HECW2: variants seen among roughly 807,000 people sequenced by gnomAD.
HECW2 encodes E3 ubiquitin-protein ligase HECW2.
HECW2 carries 61 observed loss-of-function variants against 175.2 expected under a neutral mutation model. That is an observed-to-expected ratio of 0.35 (90% CI 0.28 to 0.43). The LOEUF is 0.43. HECW2 is among the 20% of genes least tolerant of loss of function. HECW2 has a pLI of 1.00. For missense variants in HECW2, 1,524 were observed against 2,000.5 expected (o/e 0.76, Z 4.54); for synonymous variants, 671 against 731.0 (o/e 0.92, Z 1.32).
rs16848615 is a variant in HECW2 at position 196,268,511 on chromosome 2, C to T, written c.3335+2682G>A. The stretch of plus-strand genomic sequence containing the variant: ...ACTTGAAGCTACCAACTTGGGCCTG[C>T]AGCTTTTCCCTCTGTTAGGATCTGT... On this transcript the variant is annotated intron_variant, in intron 17 of 28. Coordinates refer to ENST00000644978, the MANE Select transcript of HECW2 (RefSeq NM_001348768.2). Among the ~76,000 whole-genome samples, 1,181 of 152,264 alleles carry T rather than the reference C, an allele frequency of 7.8e-3. 19 individuals carry two copies. Among genetic ancestry groups the T allele is most frequent in the African/African-American group, 0.027 (1,125 of 41,532 alleles).
rs1261501386 is a variant in HECW2, at chr2:196,199,874, A to G, written c.*1403T>C. ...GTCTCTTAATATTAATAAGAAAATT[A>G]TGCATCAGTGAAAATGCAGGCTTAG... On this transcript the variant is annotated 3_prime_UTR_variant, in exon 29 of 29. Coordinates refer to ENST00000644978, the MANE Select transcript of HECW2 (RefSeq NM_001348768.2). 1 of 152,416 alleles carries G rather than the reference A, an allele frequency of 6.6e-6. No homozygotes were observed. Among genetic ancestry groups the G allele is most frequent in the Admixed American group, 6.5e-5 (1 of 15,272 alleles). 9.4% of individuals were successfully genotyped at this position (152,416 alleles called of 1,614,324 possible). A position where few individuals can be genotyped will look rare whatever the true frequency, so the allele number is the denominator to read the frequency against.
chr2:196,442,196 A>T (rs1345795787), intron 1 of HECW2, among the ~76,000 whole-genome samples: 1 of 152,162 alleles, frequency 6.6e-6, no homozygotes, highest in African/African-American at 2.4e-5. Context: ...TTTTAATTCA[A>T]TTATTTAATT....
chr2:196,424,606 G>A (rs1364420436), intron 2 of HECW2, among the ~76,000 whole-genome samples: 1 of 152,074 alleles, frequency 6.6e-6, no homozygotes, highest in Non-Finnish European at 1.5e-5. Context: ...ATAGGAGTCT[G>A]GAGAGAAGAT....
chr2:196,322,671 T>C, intron 6 of HECW2, 51 bp from the exon 7 acceptor site: 1 of 1,485,822 alleles, frequency 6.7e-7, no homozygotes, highest in Non-Finnish European at 9.3e-7. Context: ...ACAAATATGA[T>C]ACTATATCAT....
chr2:196,201,038 CAAG>C lies in HECW2; in HGVS notation c.*236_*238del, dbSNP rs1272279471. 1 of 429,686 alleles carries C rather than the reference CAAG, an allele frequency of 2.3e-6. No individual in the cohort carries two copies. Among genetic ancestry groups the C allele is most frequent in the Non-Finnish European group, 4.3e-6 (1 of 230,392 alleles). 26.6% of individuals were successfully genotyped at this position (429,686 alleles called of 1,614,324 possible). On this transcript the variant is annotated 3_prime_UTR_variant, in exon 29 of 29. Transcript: ENST00000644978. Reference sequence around the variant, plus strand: ...TAACAAATGGAAAAAGTTTGGCAGTCAAGAACTGTTGATTGAAAGACGGTTGGG... The same window carrying C: ...TAACAAATGGAAAAAGTTTGGCAGTCAACTGTTGATTGAAAGACGGTTGGG...
At chr2:196,236,786 C>T (rs896918233) in intron 21 of HECW2, among the ~76,000 whole-genome samples, 2 of 152,188 alleles carry the variant, frequency 1.3e-5, no homozygotes, top group South Asian at 2.1e-4. Context: ...GCCACCCTCA[C>T]GCATCATACC....
At chr2:196,498,538 C>T (rs2125398635) in intron 1 of HECW2, among the ~76,000 whole-genome samples, 1 of 152,272 alleles carries the variant, frequency 6.6e-6, no homozygotes, top group East Asian at 1.9e-4. Flanking sequence ...TTGCTGATTC[C>T]TGCATATAGG....
At chr2:196,451,967 G>A (rs948970459) in intron 1 of HECW2, among the ~76,000 whole-genome samples, 1 of 152,200 alleles carries the variant, frequency 6.6e-6, no homozygotes, top group Non-Finnish European at 1.5e-5. Context: ...TCTTCATGGT[G>A]TAGGAAGTAT....
Position 196,433,396 on chromosome 2 carries a change from G to C in HECW2, c.28C>G (p.Leu10Val). The C allele has an allele frequency of 6.2e-7, 1 of 1,613,970 alleles. No homozygotes were observed. ...TGGGGATTTCGACGCCTCACAAAAA[G>C]CAGGTGCTCCCGGGCTGAACTAGCC... is the stretch of plus-strand genomic sequence containing the variant. MASSAREHL[L>V]FVRRRNPQMR... The change falls in exon 2 of 29, where the codon CTT becomes GTT. Residue 10 changes from leucine to valine, a missense_variant. This residue lies in a region of HECW2 where 135 missense variants were observed against 214.6 expected (regional missense o/e 0.63). Coordinates refer to ENST00000644978, the MANE Select transcript of HECW2 (RefSeq NM_001348768.2).
intron 17 of HECW2, among the ~76,000 whole-genome samples, chr2:196,261,811 T>G (rs1361509609): frequency 6.6e-6 from 1 of 152,258 alleles, no homozygotes; most frequent in East Asian, 1.9e-4. Flanking sequence ...CATTTAAGTT[T>G]AAAATAAAAG....
intron 1 of HECW2, among the ~76,000 whole-genome samples, chr2:196,488,140 A>G (rs1687068536): frequency 6.6e-6 from 1 of 152,216 alleles, no homozygotes; most frequent in African/African-American, 2.4e-5. Context: ...TGGATCTACA[A>G]GCATAGAAGT....
intron 18 of HECW2, among the ~76,000 whole-genome samples, chr2:196,255,815 G>A (rs1428222736): frequency 6.6e-6 from 1 of 152,242 alleles, no homozygotes; most frequent in Non-Finnish European, 1.5e-5. Context: ...GCTCACACCT[G>A]TAATCCTAGC....
chr2:196,526,708 C>T (rs1424932052), intron 1 of HECW2, among the ~76,000 whole-genome samples: 1 of 151,054 alleles, frequency 6.6e-6, no homozygotes, highest in Non-Finnish European at 1.5e-5. Context: ...ACAGGACCCT[C>T]AGCTGCAGGT....
chr2:196,217,108 AT>A lies in HECW2; in HGVS notation c.4409-16del, dbSNP rs750463635. ...GTCATGGTATCCTATCAAACCAATC[AT>A]AAAAGCCCATGTTACTTTGACTCTT... is the stretch of plus-strand genomic sequence containing the variant. On this transcript the variant is annotated splice_polypyrimidine_tract_variant and intron_variant, in intron 26 of 28. Transcript: ENST00000644978. The A allele has an allele frequency of 6.3e-7, 1 of 1,590,330 alleles. No individual in the cohort carries two copies. The highest frequency in any genetic ancestry group is 1.1e-5 in the South Asian group (1 of 89,136).
chr2:196,465,217 T>G (rs1054923137), intron 1 of HECW2, among the ~76,000 whole-genome samples: 2 of 152,146 alleles, frequency 1.3e-5, no homozygotes, highest in Non-Finnish European at 2.9e-5. Flanking sequence ...AGCAGATGGA[T>G]TGGAATATTT....
chr2:196,419,135 G>C (rs1695338697), intron 2 of HECW2, among the ~76,000 whole-genome samples: 1 of 152,156 alleles, frequency 6.6e-6, no homozygotes, highest in Admixed American at 6.6e-5. Flanking sequence ...GCAATGGAAG[G>C]AAGAAGCATG....
At chr2:196,269,048 C>T (rs1191346547) in intron 17 of HECW2, among the ~76,000 whole-genome samples, 2 of 152,274 alleles carry the variant, frequency 1.3e-5, no homozygotes, top group Non-Finnish European at 1.5e-5. Flanking sequence ...GGGGAAGGCA[C>T]TAAGAGTTGA....
chr2:196,375,312 A>C (rs980694572), intron 2 of HECW2, among the ~76,000 whole-genome samples: 4 of 152,216 alleles, frequency 2.6e-5, no homozygotes, highest in African/African-American at 9.6e-5. Context: ...CATAAATATT[A>C]AAAGAATTCG....
chr2:196,560,607 A>C (rs1029623129), intron 1 of HECW2, among the ~76,000 whole-genome samples: 1 of 152,226 alleles, frequency 6.6e-6, no homozygotes, highest in Non-Finnish European at 1.5e-5. Context: ...TTACAGAAAT[A>C]ATTGATACAA....
Sources: gnomAD v4.1 joint callset for allele counts (sites outside exome capture counted in the v4.1 genomes callset) on GRCh38, gnomAD v4.1.1 for gene constraint, gnomAD v4.1.1 regional missense constraint, MANE v1.5 for transcripts, NCBI Gene and HGNC (gene_info 2026-07-23, HGNC 2026-07-21) for gene names.